LINGO2: variants seen among roughly 807,000 people sequenced by gnomAD.
LINGO2 encodes leucine-rich repeat and immunoglobulin-like domain-containing nogo receptor-interacting protein 2.
A neutral mutation model predicts 30.6 loss-of-function variants in LINGO2; 14 were observed. The observed-to-expected ratio is 0.46, with a 90% CI of 0.30 to 0.72. The LOEUF is 0.72. Ranked by LOEUF, LINGO2 falls within the 30% of genes least tolerant of loss-of-function variation. The probability of loss-of-function intolerance (pLI) is 0.07; values close to 1 mark genes in which losing one functional copy is unlikely to be tolerated. For missense variants in LINGO2, 729 were observed against 751.7 expected (o/e 0.97, Z 0.35); for synonymous variants, 317 against 288.5 (o/e 1.10, Z -1.00).
intron 4 of LINGO2, among the ~76,000 whole-genome samples, chr9:28,260,878 G>A (rs943664965): frequency 1.8e-4 from 27 of 151,904 alleles, no homozygotes; most frequent in African/African-American, 6.3e-4. Flanking sequence ...TCAGTGATAC[G>A]AGCATTCCGT....
chr9:29,068,158 G>A, the LINGO2 span, among the ~76,000 whole-genome samples: 1 of 151,626 alleles, frequency 6.6e-6, no homozygotes, highest in African/African-American at 2.4e-5. Flanking sequence ...ATGAATTCAG[G>A]TCTCCAGTCT....
At chr9:28,972,545 T>C in the LINGO2 span, among the ~76,000 whole-genome samples, 1 of 152,012 alleles carries the variant, frequency 6.6e-6, no homozygotes, top group Non-Finnish European at 1.5e-5. Context: ...AATCTCTTAA[T>C]AGCAGAATTG....
chr9:28,130,123 T>A lies in LINGO2; in HGVS notation c.-86-117718A>T, dbSNP rs1251353460. ...GGATTTTGTCAATTCTGACATTGAT[T>A]CCCATGTGGAACAGAGGACTTTTCT... On this transcript the variant is annotated intron_variant, in intron 4 of 5. Coordinates refer to ENST00000379992, the Ensembl canonical transcript of LINGO2. The surrounding 1 kb of genome is among the most constrained non-coding windows in gnomAD (Gnocchi z 5.2). Among the ~76,000 whole-genome samples the A allele has an allele frequency of 2.6e-5, 4 of 152,248 alleles. No individual in the cohort carries two copies. The highest frequency in any genetic ancestry group is 5.9e-5 in the Non-Finnish European group (4 of 68,042).
intron 2 of LINGO2, among the ~76,000 whole-genome samples, chr9:28,456,081 C>T (rs146725606): frequency 9.2e-4 from 140 of 152,118 alleles, no homozygotes; most frequent in African/African-American, 3.2e-3. Flanking sequence ...ATTTTTTAAC[C>T]TGTTATGGTT....
the LINGO2 span, among the ~76,000 whole-genome samples, chr9:28,961,096 G>C: frequency 6.6e-6 from 1 of 152,074 alleles, no homozygotes; most frequent in Non-Finnish European, 1.5e-5. Context: ...TCAGACATTG[G>C]TAATAGTAGA....
At chr9:29,198,711 G>T in the LINGO2 span, among the ~76,000 whole-genome samples, 1 of 152,110 alleles carries the variant, frequency 6.6e-6, no homozygotes, top group Non-Finnish European at 1.5e-5. Context: ...GGAGAGGCAA[G>T]ATTCTGTAAA....
At chr9:28,431,029 TGAGAGAGAGAGAGAGAGAGA>T (rs57751993) in intron 2 of LINGO2, among the ~76,000 whole-genome samples, 18 of 129,452 alleles carry the variant, frequency 1.4e-4, no homozygotes, top group South Asian at 7.9e-4. Flanking sequence ...GCATGAGTGA[TGAGAGAGAGAGAGAGAGAGA>T]GAGAGAGAGA....
chr9:28,098,403 T>C (rs1424065699), intron 4 of LINGO2, among the ~76,000 whole-genome samples: 2 of 152,204 alleles, frequency 1.3e-5, no homozygotes, highest in African/African-American at 4.8e-5. Flanking sequence ...GTGAATTATA[T>C]ATCAATAAAT....
chr9:28,401,700 G>A (rs1361515595), intron 2 of LINGO2, among the ~76,000 whole-genome samples: 1 of 152,092 alleles, frequency 6.6e-6, no homozygotes, highest in Non-Finnish European at 1.5e-5. Context: ...AGGTCCTTGA[G>A]GAATTGCCAT....
intron 2 of LINGO2, among the ~76,000 whole-genome samples, chr9:28,388,506 C>T (rs999963726): frequency 6.6e-6 from 1 of 152,168 alleles, no homozygotes; most frequent in South Asian, 2.1e-4. Context: ...CAATTTGTTT[C>T]CCAAATACGT....
At chr9:28,254,910 CCT>C (rs1375514369) in intron 4 of LINGO2, among the ~76,000 whole-genome samples, 1 of 151,948 alleles carries the variant, frequency 6.6e-6, no homozygotes, top group African/African-American at 2.4e-5. Context: ...TGATCCTCTC[CCT>C]GTTTCCACCC....
chr9:28,706,690 T>C, the LINGO2 span, among the ~76,000 whole-genome samples: 50 of 152,208 alleles, frequency 3.3e-4, no homozygotes, highest in Non-Finnish European at 5.7e-4. Context: ...ATTCCCTCCC[T>C]TAAAGTTCTA....
chr9:29,138,627 A>AC, the LINGO2 span, among the ~76,000 whole-genome samples: 1 of 152,048 alleles, frequency 6.6e-6, no homozygotes, highest in East Asian at 1.9e-4. Flanking sequence ...GCCATCAGTC[A>AC]TTTGTATGAT....
intron 5 of LINGO2, among the ~76,000 whole-genome samples, chr9:27,987,759 C>T (rs1449095824): frequency 6.6e-6 from 1 of 151,882 alleles, no homozygotes; most frequent in African/African-American, 2.4e-5. Flanking sequence ...CCTAAAATTC[C>T]ACTTAAATAA....
chr9:28,864,947 T>C, the LINGO2 span, among the ~76,000 whole-genome samples: 2 of 152,014 alleles, frequency 1.3e-5, no homozygotes, highest in African/African-American at 4.8e-5. Context: ...GTAATAGGTG[T>C]TATGAAAAGT....
At chr9:29,109,789 G>C in the LINGO2 span, among the ~76,000 whole-genome samples, 1 of 152,146 alleles carries the variant, frequency 6.6e-6, no homozygotes, top group African/African-American at 2.4e-5. Flanking sequence ...AGCTAAGTTG[G>C]TGATTTTTAA....
At chr9:28,930,854 C>A in the LINGO2 span, among the ~76,000 whole-genome samples, 1 of 152,170 alleles carries the variant, frequency 6.6e-6, no homozygotes. This position sits in a 1 kb window ranked among gnomAD's most constrained non-coding sequence, Gnocchi z 4.2. Context: ...CACACAGAAT[C>A]CTCTAGGGAT....
At chr9:28,280,140 C>T (rs1048290776) in intron 4 of LINGO2, among the ~76,000 whole-genome samples, 1 of 151,850 alleles carries the variant, frequency 6.6e-6, no homozygotes, top group Non-Finnish European at 1.5e-5. Flanking sequence ...GGATGAAAGG[C>T]AAAGAATGGG....
At chr9:28,821,097 C>A in the LINGO2 span, among the ~76,000 whole-genome samples, 3 of 152,212 alleles carry the variant, frequency 2.0e-5, no homozygotes, top group Non-Finnish European at 2.9e-5. Flanking sequence ...AGCAGGAAAT[C>A]CTTTACATCC....
Sources: allele counts gnomAD v4.1 joint callset (sites outside exome capture counted in the v4.1 genomes callset), GRCh38; gene constraint gnomAD v4.1.1; non-coding constraint Gnocchi (gnomAD v3.1); transcripts MANE v1.5; gene names NCBI Gene and HGNC (gene_info 2026-07-23, HGNC 2026-07-21).